RYR1: variants seen among roughly 807,000 people sequenced by gnomAD.
RYR1 encodes the protein central core disease of muscle.
Under a neutral mutation model 583.5 loss-of-function variants are expected in RYR1, and 342 were observed. The ratio of observed to expected loss-of-function variants is 0.59; its 90% CI spans 0.54 to 0.64. The LOEUF (loss-of-function observed/expected upper bound fraction) is 0.64. Among genes scored for constraint, RYR1 ranks in the 30% least tolerant of loss-of-function variants. RYR1 has a pLI of 0.00. For synonymous variants in RYR1, 2,791 were observed against 2,822.5 expected, an observed-to-expected ratio of 0.99 and a Z score of 0.35; for missense variants, 6,032 against 6,917.2, an observed-to-expected ratio of 0.87 and a Z score of 4.54.
chr19:38,478,355 C>A, intron 30 of RYR1, 80 bp from the exon 31 acceptor site: 1 of 1,521,972 alleles, frequency 6.6e-7, no homozygotes, highest in Non-Finnish European at 9.0e-7. Context: ...TTGTGTGTTT[C>A]CGGGAGCTTG....
At chr19:38,551,295 C>A (rs1462634035) in intron 89 of RYR1, among the ~76,000 whole-genome samples, 1 of 151,570 alleles carries the variant, frequency 6.6e-6, no homozygotes, top group East Asian at 1.9e-4. Flanking sequence ...GATGGTCAGG[C>A]TGGTTTCAAA....
chr19:38,582,874 T>C (rs1974277239), intron 101 of RYR1, among the ~76,000 whole-genome samples: 1 of 152,140 alleles, frequency 6.6e-6, no homozygotes, highest in Non-Finnish European at 1.5e-5. Context: ...AAAGTCCAGC[T>C]CCTCAACCTG....
intron 36 of RYR1, 56 bp from the exon 37 acceptor site, chr19:38,490,565 C>T: frequency 8.8e-7 from 1 of 1,141,042 alleles, no homozygotes; most frequent in Non-Finnish European, 1.3e-6. Flanking sequence ...TCTCTGATCT[C>T]AGAGTTCCTG....
At position 38,480,127 on chromosome 19, in the gene RYR1, A is replaced by G. The variant is rs117905889; in HGVS notation, c.4620+1527A>G. ...TTCAACTGTCACCCACTCACAGCCA[A>G]TCTTGTTTCATCTTTTTTGTCTGTT... On this transcript the variant is annotated intron_variant, in intron 31 of 105. Transcript: ENST00000359596. 5.1e-3 allele frequency among the ~76,000 whole-genome samples: 776 copies of G among 151,704 alleles called. 2 individuals are homozygous for G. The highest frequency in any genetic ancestry group is 7.6e-3 in the Non-Finnish European group (515 of 67,872).
In RYR1 at chr19:38,565,356, C is replaced by T. The variant is rs752855919; in HGVS notation, c.13022C>T (p.Thr4341Met). Residue 4341 changes from threonine (T) to methionine (M), a missense_variant, in exon 91 of 106, where the codon ACG becomes ATG. Physicochemically the swap from Thr to Met is moderately conservative, Grantham distance 81. Transcript: ENST00000359596. This position sits in a 1 kb window ranked among gnomAD's most constrained non-coding sequence, Gnocchi z 4.7. ...AVAALLWAAV[T>M]RAGAAGAGAA... Reference sequence around the variant, plus strand: ...GCGGCGCTGCTCTGGGCAGCAGTGACGCGCGCTGGGGCCGCTGGCGCGGGG... The same window carrying T: ...GCGGCGCTGCTCTGGGCAGCAGTGATGCGCGCTGGGGCCGCTGGCGCGGGG... 4.9e-5 allele frequency: 64 copies of T among 1,303,600 alleles called. No individual in the cohort carries two copies. Among genetic ancestry groups the T allele is most frequent in the Non-Finnish European group, 5.5e-5 (57 of 1,035,934 alleles). The allele number at this position is 1,303,600 out of a possible 1,614,324, so 80.8% of individuals were successfully genotyped here. A position where few individuals can be genotyped will look rare whatever the true frequency, so the allele number is the denominator to read the frequency against.
rs199993301 is a variant in RYR1, at chr19:38,499,236, C to T, written c.7020C>T (p.Phe2340=). ...RYLDFLRFAV[F]VNGESVEENA... ...TGGACTTCCTGCGCTTTGCTGTCTTCGTCAACGGTGAGGAGGGGGTGGCAG... is the reference window on the plus strand; with the variant it reads ...TGGACTTCCTGCGCTTTGCTGTCTTTGTCAACGGTGAGGAGGGGGTGGCAG... Residue 2340 remains phenylalanine, a synonymous_variant, in exon 43 of 106, where the codon TTC becomes TTT. Transcript: ENST00000359596. This position sits in a 1 kb window ranked among gnomAD's most constrained non-coding sequence, Gnocchi z 7.3. The T allele has an allele frequency of 2.7e-4, 432 of 1,614,158 alleles. 1 individual carries two copies. The highest frequency in any genetic ancestry group is 1.7e-4 in the Middle Eastern group (1 of 6,060).
intron 81 of RYR1, 143 bp downstream of exon 81, chr19:38,535,535 AT>A: frequency 1.4e-6 from 1 of 729,198 alleles, no homozygotes; most frequent in Non-Finnish European, 2.5e-6. Context: ...CAGGGAATTT[AT>A]TATAAGAATT....
Position 38,546,417 on chromosome 19 carries a change from C to T in RYR1, c.12013-28C>T, listed in dbSNP as rs757717225. ...GAGGTGGGGGAGGTGTATGCTGAGA[C>T]CAGCCCTCACCGAGCTGGGATCTCT... On this transcript the variant is annotated intron_variant, in intron 87 of 105. Coordinates refer to ENST00000359596, the MANE Select transcript of RYR1 (RefSeq NM_000540.3). The T allele has an allele frequency of 1.0e-5, 16 of 1,603,614 alleles. No homozygotes were observed. In the East Asian group the frequency reaches 3.6e-4, roughly 36 times the overall value.
chr19:38,538,062 G>C, intron 84 of RYR1, 102 bp downstream of exon 84: 4 of 1,052,648 alleles, frequency 3.8e-6, no homozygotes, highest in Admixed American at 1.8e-5. Context: ...CCCGGTCAAT[G>C]ATGGCCACTC....
At chr19:38,569,079 C>T (rs376292521) in intron 93 of RYR1, among the ~76,000 whole-genome samples, 17 of 152,024 alleles carry the variant, frequency 1.1e-4, no homozygotes, top group Middle Eastern at 3.4e-3. Context: ...GGCACAATCT[C>T]GGCTCACTGC....
rs1292560494 is a variant in RYR1 at position 38,448,487 on chromosome 19, C to T, written c.933C>T (p.Thr311=). Residue 311 remains threonine (T), a synonymous_variant, in exon 10 of 106, where the codon ACC becomes ACT. Coordinates refer to ENST00000359596, the MANE Select transcript of RYR1 (RefSeq NM_000540.3). ...VDASKAHTKA[T]SFCFRISKEK... ...CCAGCAAGGCTCACACCAAGGCTACCTCCTTCTGCTTCCGCATCTCCAAGG... is the reference window on the plus strand; with the variant it reads ...CCAGCAAGGCTCACACCAAGGCTACTTCCTTCTGCTTCCGCATCTCCAAGG... 4.3e-6 allele frequency: 7 copies of T among 1,614,096 alleles called. No individual in the cohort carries two copies. Among genetic ancestry groups the T allele is most frequent in the African/African-American group, 1.3e-5 (1 of 75,048 alleles).
rs763954439 is a variant in RYR1, at chr19:38,580,396, G to A, written c.14538G>A (p.Ala4846=). 12 of 1,614,164 alleles carry A rather than the reference G, an allele frequency of 7.4e-6. No individual in the cohort carries two copies. The highest frequency in any genetic ancestry group is 4.5e-5 in the East Asian group (2 of 44,866). ...TGGTGATGACCGTGGGCCTTCTGGC[G>A]GTGGTCGTCTACCTGTACACCGTGG... ...KQLVMTVGLL[A]VVVYLYTVVA... Residue 4846 remains alanine, a synonymous_variant, in exon 101 of 106, where the codon GCG becomes GCA. Transcript: ENST00000359596.
rs752189901 is a variant in RYR1, at chr19:38,499,640, A to T, written c.7033A>T (p.Ser2345Cys). 1.3e-6 allele frequency: 2 copies of T among 1,597,676 alleles called. No individual in the cohort carries two copies. The highest frequency in any genetic ancestry group is 2.2e-5 in the South Asian group (2 of 90,970). ...LRFAVFVNGESVEENANVVVR... is the reference protein window; with the variant it reads ...LRFAVFVNGECVEENANVVVR... ...TTCCCCATGCGGGTGGCCAGGCGAG[A>T]GCGTGGAGGAGAACGCCAATGTGGT... is the stretch of plus-strand genomic sequence containing the variant. The change falls in exon 44 of 106, where the codon AGC becomes TGC. Residue 2345 changes from serine to cysteine, a missense_variant. Around this residue, in one of 11 missense-constraint regions of RYR1, gnomAD observed 2,627 missense variants for 2,961.3 expected, o/e 0.89. Transcript: ENST00000359596. The surrounding 1 kb of genome is among the most constrained non-coding windows in gnomAD (Gnocchi z 7.3).
At chr19:38,494,160 C>A (rs1969690201) in intron 38 of RYR1, among the ~76,000 whole-genome samples, 192 bp from the exon 39 acceptor site, 1 of 152,152 alleles carries the variant, frequency 6.6e-6, no homozygotes, top group African/African-American at 2.4e-5. Context: ...CAGAGCAAGA[C>A]ACTGTCTCTA....
At chr19:38,471,457 G>A (rs962577793) in intron 27 of RYR1, among the ~76,000 whole-genome samples, 2 of 152,188 alleles carry the variant, frequency 1.3e-5, no homozygotes, top group African/African-American at 2.4e-5. Flanking sequence ...TTGAGCCCAG[G>A]ATTTCGGGGC....
chr19:38,511,021 C>T (rs112632139), intron 60 of RYR1, among the ~76,000 whole-genome samples: 17 of 152,310 alleles, frequency 1.1e-4, no homozygotes, highest in Non-Finnish European at 1.6e-4. Flanking sequence ...CAAGGCCGGG[C>T]GTGGTGGCTC....
At chr19:38,537,290 C>A (rs1004373265) in intron 83 of RYR1, among the ~76,000 whole-genome samples, 17 of 152,174 alleles carry the variant, frequency 1.1e-4, no homozygotes, top group African/African-American at 3.9e-4. Flanking sequence ...GCGGTCTAGC[C>A]TCCTCCCCTA....
intron 67 of RYR1, 57 bp from the exon 68 acceptor site, chr19:38,522,971 C>T (rs1971285730): frequency 7.3e-7 from 1 of 1,370,550 alleles, no homozygotes; most frequent in African/African-American, 1.4e-5. Context: ...TCTCTCTGGG[C>T]AGCCCCCTTC....
Position 38,499,260 on chromosome 19 carries a change from A to G in RYR1, c.7027+17A>G. Reference sequence around the variant, plus strand: ...TCGTCAACGGTGAGGAGGGGGTGGCAGTGGCAGAGCGGGAAGTATGGAGTC... The same window carrying G: ...TCGTCAACGGTGAGGAGGGGGTGGCGGTGGCAGAGCGGGAAGTATGGAGTC... On this transcript the variant is annotated intron_variant, in intron 43 of 105. Coordinates refer to ENST00000359596, the MANE Select transcript of RYR1 (RefSeq NM_000540.3). This position sits in a 1 kb window ranked among gnomAD's most constrained non-coding sequence, Gnocchi z 7.3. 1.9e-6 allele frequency: 3 copies of G among 1,614,122 alleles called. No homozygotes were observed. In the South Asian group the frequency reaches 3.3e-5, roughly 18 times the overall value.
Sources: gnomAD v4.1 joint callset for allele counts (sites outside exome capture counted in the v4.1 genomes callset) on GRCh38, gnomAD v4.1.1 for gene constraint, gnomAD v4.1.1 regional missense constraint, Gnocchi (gnomAD v3.1) non-coding constraint, MANE v1.5 for transcripts, NCBI Gene and HGNC (gene_info 2026-07-23, HGNC 2026-07-21) for gene names.